The following SNX25 variants were observed in gnomAD, a reference collection of about 807,000 sequenced individuals.
The protein encoded by SNX25 is sorting nexin-25.
In SNX25, 62 loss-of-function variants were observed where a neutral mutation model predicts 113.7. That is an observed-to-expected ratio of 0.55 (90% CI 0.44 to 0.67). The LOEUF is 0.67. Among genes scored for constraint, SNX25 ranks in the 30% least tolerant of loss-of-function variants. SNX25 has a pLI of 0.00. For synonymous variants in SNX25, 421 were observed against 436.2 expected (o/e 0.97, Z 0.43); for missense variants, 1,014 against 1,161.0 (o/e 0.87, Z 1.84).
At chr4:185,259,195 A>G (rs1746885387) in intron 3 of SNX25, 131 bp downstream of exon 3, 4 of 753,040 alleles carry the variant, frequency 5.3e-6, no homozygotes, top group South Asian at 1.9e-5. Flanking sequence ...TAGATTTATT[A>G]AGGGGGAATA....
At chr4:185,238,175 A>G (rs1389210408) in intron 1 of SNX25, among the ~76,000 whole-genome samples, 1 of 151,374 alleles carries the variant, frequency 6.6e-6, no homozygotes, top group Non-Finnish European at 1.5e-5. Flanking sequence ...TAGATCCCTG[A>G]TATTATTTAT....
intron 1 of SNX25, among the ~76,000 whole-genome samples, chr4:185,229,827 ATATT>A (rs997259755): frequency 6.6e-6 from 1 of 151,974 alleles, no homozygotes; most frequent in Non-Finnish European, 1.5e-5. Context: ...TTCAAGTACT[ATATT>A]TATTTATTTA....
intron 1 of SNX25, among the ~76,000 whole-genome samples, chr4:185,219,511 A>G (rs954227121): frequency 6.6e-6 from 1 of 152,192 alleles, no homozygotes; most frequent in Non-Finnish European, 1.5e-5. Flanking sequence ...GTGAGCCAAG[A>G]TTGTGCCACT....
intron 5 of SNX25, among the ~76,000 whole-genome samples, chr4:185,287,488 C>T (rs1202310343): frequency 6.6e-6 from 1 of 152,218 alleles, no homozygotes; most frequent in Non-Finnish European, 1.5e-5. Flanking sequence ...CGGCACCATC[C>T]AGTAGAACTT....
intron 3 of SNX25, 108 bp from the exon 4 acceptor site, chr4:185,264,330 A>C: frequency 4.8e-6 from 5 of 1,034,998 alleles, no homozygotes; most frequent in Non-Finnish European, 7.0e-6. Context: ...AGGAGATGGC[A>C]GTTACTATAA....
chr4:185,250,477 G>T (rs532426521), intron 2 of SNX25, among the ~76,000 whole-genome samples: 8 of 152,236 alleles, frequency 5.3e-5, no homozygotes, highest in Non-Finnish European at 1.2e-4. Context: ...CAGCAGCCCT[G>T]GCAACTCTTA....
At chr4:185,329,251 A>G (rs2126701093) in intron 9 of SNX25, among the ~76,000 whole-genome samples, 1 of 152,320 alleles carries the variant, frequency 6.6e-6, no homozygotes, top group Admixed American at 6.5e-5. Context: ...GCTGTGTTGC[A>G]ATGAAAAACC....
chr4:185,262,474 CCTT>C (rs1164236971), intron 3 of SNX25, among the ~76,000 whole-genome samples: 1 of 152,162 alleles, frequency 6.6e-6, no homozygotes, highest in African/African-American at 2.4e-5. Flanking sequence ...CGTGTGTTTT[CCTT>C]CTTTGTCTCT....
chr4:185,212,495 T>TTG lies in SNX25; in HGVS notation c.429+2241_429+2242insGT, dbSNP rs1465734227. On this transcript the variant is annotated intron_variant, in intron 1 of 18. Coordinates refer to ENST00000652585, the MANE Select transcript of SNX25 (RefSeq NM_001378034.2). ...TGTGTGTGTGTGTGTGTGTGTGTTT[T>TTG]TTTTTTTTTTTGCTTTGAGACAGGG... Among the ~76,000 whole-genome samples the TTG allele has an allele frequency of 7.2e-4, 83 of 115,804 alleles. 1 individual carries two copies. Among genetic ancestry groups the TTG allele is most frequent in the South Asian group, 1.4e-3 (5 of 3,582 alleles). The allele number at this position is 115,804 out of a possible 152,430, so 76.0% of individuals were successfully genotyped here.
rs115318713 is a variant in SNX25, at chr4:185,264,803, T to C, written c.904+193T>C. ...GACATATCGCCAAATGCACAGTCCA[T>C]TAAGTTGCATGTTTTGACATAGAAA... On this transcript the variant is annotated intron_variant, in intron 4 of 18. Coordinates refer to ENST00000652585, the MANE Select transcript of SNX25 (RefSeq NM_001378034.2). 8.6e-3 allele frequency among the ~76,000 whole-genome samples: 1,304 copies of C among 152,282 alleles called. 16 individuals carry two copies. The highest frequency in any genetic ancestry group is 0.029 in the African/African-American group (1,211 of 41,546).
intron 6 of SNX25, among the ~76,000 whole-genome samples, chr4:185,290,116 C>T (rs1042448194): frequency 6.6e-6 from 1 of 152,196 alleles, no homozygotes; most frequent in African/African-American, 2.4e-5. Flanking sequence ...AGTCATACTG[C>T]ACTGGGGCCC....
chr4:185,267,042 C>G lies in SNX25; in HGVS notation c.978C>G (p.Tyr326Ter). The change falls in exon 5 of 19, where the codon TAC becomes TAG. Residue 326 changes from tyrosine to a stop codon, truncating the protein, a stop_gained. Transcript: ENST00000652585. LOFTEE classifies it high-confidence loss of function. Reference sequence around the variant, plus strand: ...AAATGCTGCTTGCCCAGCTGGCGTACAGAGAGCAAATGAATGAGCATCACA... The same window carrying G: ...AAATGCTGCTTGCCCAGCTGGCGTAGAGAGAGCAAATGAATGAGCATCACA... ...INQMLLAQLA[Y>*]REQMNEHHKR... is the part of the protein sequence containing the mutation. 1 of 1,614,040 alleles carries G rather than the reference C, an allele frequency of 6.2e-7. No homozygotes were observed.
intron 12 of SNX25, among the ~76,000 whole-genome samples, chr4:185,344,411 T>A (rs1177202376): frequency 6.6e-6 from 1 of 152,168 alleles, no homozygotes; most frequent in Non-Finnish European, 1.5e-5. Flanking sequence ...CAGAGGTGTC[T>A]GGTCCGTATC....
intron 1 of SNX25, among the ~76,000 whole-genome samples, chr4:185,238,867 T>G (rs72708028): frequency 0.1 from 15,791 of 152,190 alleles, 959 homozygotes; most frequent in Non-Finnish European, 0.13. Context: ...AAATTGCACG[T>G]TACAGGTTGG....
intron 1 of SNX25, among the ~76,000 whole-genome samples, chr4:185,217,169 G>A (rs928070122): frequency 2.0e-5 from 3 of 151,818 alleles, no homozygotes; most frequent in Non-Finnish European, 2.9e-5. Context: ...AGTGGCTCAC[G>A]CCTGTAATCC....
intron 1 of SNX25, among the ~76,000 whole-genome samples, chr4:185,216,322 G>A (rs1489309763): frequency 1.3e-5 from 2 of 152,038 alleles, no homozygotes; most frequent in African/African-American, 4.8e-5. Context: ...TGTGAACAGT[G>A]ATTACACATA....
rs1755121655 is a variant in SNX25 at position 185,310,698 on chromosome 4, A to G, written c.1226A>G (p.Asn409Ser). Reference protein sequence around the residue: ...LRARNMKRYINQLTVAKKQCE... With the variant: ...LRARNMKRYISQLTVAKKQCE... ...GCCAGGAACATGAAGAGGTACATCAACCAACTGACTGTGGCAAAGAAGCAG... is the reference window on the plus strand; with the variant it reads ...GCCAGGAACATGAAGAGGTACATCAGCCAACTGACTGTGGCAAAGAAGCAG... The change falls in exon 7 of 19, where the codon AAC (asparagine) becomes AGC (serine). Residue 409 changes from asparagine (N) to serine (S), a missense_variant. Coordinates refer to ENST00000652585, the MANE Select transcript of SNX25 (RefSeq NM_001378034.2). 2 of 1,614,112 alleles carry G rather than the reference A, an allele frequency of 1.2e-6. No individual in the cohort carries two copies. The highest frequency in any genetic ancestry group is 8.5e-7 in the Non-Finnish European group (1 of 1,179,996).
chr4:185,247,215 T>G (rs1464911747), intron 1 of SNX25, 79 bp from the exon 2 acceptor site: 16 of 943,866 alleles, frequency 1.7e-5, no homozygotes, highest in Non-Finnish European at 4.9e-6. Flanking sequence ...TTAGATGGCA[T>G]TTCATACCTT....
At chr4:185,343,973 C>T (rs531223424) in intron 12 of SNX25, among the ~76,000 whole-genome samples, 2 of 152,302 alleles carry the variant, frequency 1.3e-5, no homozygotes, top group Non-Finnish European at 2.9e-5. Flanking sequence ...AATCCCAGCA[C>T]TTTGGAAGGC....
Sources: allele counts gnomAD v4.1 joint callset (sites outside exome capture counted in the v4.1 genomes callset), GRCh38; gene constraint gnomAD v4.1.1; transcripts MANE v1.5; gene names NCBI Gene and HGNC (gene_info 2026-07-23, HGNC 2026-07-21).